Variants in TIAM1 observed in about 807,000 individuals in gnomAD.
TIAM1 encodes the protein rho guanine nucleotide exchange factor TIAM1.
TIAM1 carries 65 observed loss-of-function variants against 163.5 expected under a neutral mutation model. The ratio of observed to expected loss-of-function variants is 0.40; its 90% confidence interval spans 0.33 to 0.49. The LOEUF is 0.49. Ranked by LOEUF, TIAM1 falls within the 20% of genes least tolerant of loss-of-function variation. TIAM1 has a pLI of 0.77. For synonymous variants in TIAM1, 833 were observed against 810.1 expected, an observed-to-expected ratio of 1.03 and a Z score of -0.48; for missense variants, 1,789 against 2,044.7, an observed-to-expected ratio of 0.87 and a Z score of 2.41.
intron 20 of TIAM1, among the ~76,000 whole-genome samples, chr21:31,144,830 G>GAAACAAAAAAA: frequency 1.3e-5 from 1 of 74,484 alleles, no homozygotes; most frequent in Non-Finnish European, 2.4e-5. Context: ...CTCCATCTCA[G>GAAACAAAAAAA]AAAAAAAAAA....
chr21:31,136,489 C>T (rs560435256), intron 22 of TIAM1, among the ~76,000 whole-genome samples: 10 of 94,134 alleles, frequency 1.1e-4, no homozygotes, highest in South Asian at 3.2e-4. Context: ...GAAATTTTAA[C>T]GAAAAAAAAA....
rs1364988102 is a variant in TIAM1 at position 31,391,145 on chromosome 21, AT to A, written c.-368-51724del. On this transcript the variant is annotated intron_variant, in intron 2 of 28. Coordinates refer to the TIAM1 transcript ENST00000286827. ...GGCCCGAGGGCAGCTCTTGGTGGGG[AT>A]TTTAAAGGGGGCTTCTTTGTGTACG... Among the ~76,000 whole-genome samples the A allele has an allele frequency of 2.0e-5, 3 of 152,072 alleles. No homozygotes were observed. In the East Asian group the frequency reaches 5.8e-4, roughly 29 times the overall value.
rs117766429 is a variant in TIAM1 at position 31,300,276 on chromosome 21, G to A, written c.-188-23368C>T. Among the ~76,000 whole-genome samples the A allele has an allele frequency of 1.7e-3, 262 of 152,254 alleles. 4 individuals are homozygous for A. The East Asian group carries it at 0.037, about 21-fold the overall frequency. ...AGCAGATGCCAGCATCATGCTTCCT[G>A]TACAGAACGGTGAGCCAATTAAACC... On this transcript the variant is annotated intron_variant, in intron 2 of 27. Coordinates refer to ENST00000541036, the MANE Select transcript of TIAM1 (RefSeq NM_001353694.2).
At chr21:31,321,822 G>C (rs2075326082) in intron 2 of TIAM1, among the ~76,000 whole-genome samples, 1 of 151,936 alleles carries the variant, frequency 6.6e-6, no homozygotes, top group Admixed American at 6.6e-5. Context: ...ACTTTGGGAG[G>C]TGGACAGATC....
chr21:31,550,645 A>G (rs1396402634), intron 1 of TIAM1, among the ~76,000 whole-genome samples: 2 of 152,240 alleles, frequency 1.3e-5, no homozygotes, highest in Non-Finnish European at 1.5e-5. Context: ...TCTTAATAAT[A>G]CTGTCATAAA....
chr21:31,335,233 C>A (rs565998946), intron 2 of TIAM1, among the ~76,000 whole-genome samples: 1 of 152,276 alleles, frequency 6.6e-6, no homozygotes, highest in Non-Finnish European at 1.5e-5. Flanking sequence ...TACGTTTCAC[C>A]TGTGGACCAA....
rs1044645983 is a variant in TIAM1 at position 31,130,310 on chromosome 21, T to C, written c.3948A>G (p.Gly1316=). The C allele has an allele frequency of 1.1e-5, 17 of 1,613,648 alleles. No homozygotes were observed. Among genetic ancestry groups the C allele is most frequent in the Non-Finnish European group, 1.4e-5 (16 of 1,179,694 alleles). The change falls in exon 25 of 28, where the codon GGA becomes GGG. Residue 1316 remains glycine (G), a synonymous_variant. Coordinates refer to ENST00000541036, the MANE Select transcript of TIAM1 (RefSeq NM_001353694.2). ...CCTCATAAATGGAAAGCCTGTGAGA[T>C]CCTACCTGCAGAGGAGAAGGAACCA... ...DGSKQKKKLV[G]SHRLSIYEDW... is the part of the protein sequence containing the mutation.
chr21:31,383,315 T>G (rs2076810798), intron 2 of TIAM1, among the ~76,000 whole-genome samples: 1 of 152,158 alleles, frequency 6.6e-6, no homozygotes, highest in Non-Finnish European at 1.5e-5. Context: ...ATCCCAGCCC[T>G]GTCATGATCT....
chr21:31,431,020 A>C (rs1375128356), intron 2 of TIAM1, among the ~76,000 whole-genome samples: 2 of 152,214 alleles, frequency 1.3e-5, no homozygotes, highest in Non-Finnish European at 2.9e-5. Context: ...TAATAAGAAC[A>C]TAATGACAAT....
At chr21:31,459,265 C>G (rs1424342068) in intron 2 of TIAM1, among the ~76,000 whole-genome samples, 1 of 152,152 alleles carries the variant, frequency 6.6e-6, no homozygotes, top group East Asian at 1.9e-4. Flanking sequence ...GCACGTGCCA[C>G]CATGCCCAGT....
At chr21:31,547,954 G>A (rs2048549562) in intron 1 of TIAM1, among the ~76,000 whole-genome samples, 1 of 152,074 alleles carries the variant, frequency 6.6e-6, no homozygotes, top group Admixed American at 6.6e-5. Context: ...TTATTATCTA[G>A]CTTTAAAGAA....
intron 1 of TIAM1, among the ~76,000 whole-genome samples, chr21:31,485,523 T>A (rs1448081672): frequency 6.6e-6 from 1 of 152,114 alleles, no homozygotes; most frequent in Non-Finnish European, 1.5e-5. Context: ...AAACGCTAAC[T>A]CTGGGATAAC....
At chr21:31,366,351 C>T (rs776091472) in intron 2 of TIAM1, among the ~76,000 whole-genome samples, 2 of 152,140 alleles carry the variant, frequency 1.3e-5, no homozygotes, top group African/African-American at 2.4e-5. Context: ...ACTTAACTTA[C>T]GCATGTCCCA....
intron 1 of TIAM1, among the ~76,000 whole-genome samples, chr21:31,487,554 AT>A (rs1279067707): frequency 3.1e-4 from 36 of 114,804 alleles, no homozygotes; most frequent in Non-Finnish European, 3.2e-4. Context: ...TTTTTTTTGT[AT>A]TTTTTTTTTT....
intron 1 of TIAM1, among the ~76,000 whole-genome samples, chr21:31,555,184 TTC>T (rs976681728): frequency 2.8e-5 from 4 of 143,172 alleles, no homozygotes; most frequent in Non-Finnish European, 6.1e-5. Context: ...AGAGAATTTG[TTC>T]TTTTTTTTTT....
intron 2 of TIAM1, among the ~76,000 whole-genome samples, chr21:31,328,916 A>T (rs1402025898): frequency 6.6e-6 from 1 of 151,996 alleles, no homozygotes; most frequent in Non-Finnish European, 1.5e-5. Context: ...AAAGTGCTGG[A>T]ATTACAGGTG....
chr21:31,407,295 C>T (rs1161935171), intron 2 of TIAM1, among the ~76,000 whole-genome samples: 1 of 152,164 alleles, frequency 6.6e-6, no homozygotes, highest in East Asian at 1.9e-4. Flanking sequence ...TTCCTCTTGG[C>T]ACCTCCAAAG....
chr21:31,261,350 G>A (rs569502784), intron 4 of TIAM1, among the ~76,000 whole-genome samples: 1 of 151,670 alleles, frequency 6.6e-6, no homozygotes, highest in Non-Finnish European at 1.5e-5. Flanking sequence ...TCAAGCACGG[G>A]GAGGTAGTCA....
Position 31,282,542 on chromosome 21 carries a change from G to A in TIAM1, c.-188-5634C>T, listed in dbSNP as rs142170251. On this transcript the variant is annotated intron_variant, in intron 2 of 27. Coordinates refer to ENST00000541036, the MANE Select transcript of TIAM1 (RefSeq NM_001353694.2). ...TTGTAGCTGGGACATGCTGACAGAT[G>A]ACCACACCCCATCTGGTGTAAAGCC... is the stretch of plus-strand genomic sequence containing the variant. Among the ~76,000 whole-genome samples the A allele has an allele frequency of 2.0e-5, 3 of 152,278 alleles. No individual in the cohort carries two copies. The East Asian group carries it at 5.8e-4, about 29-fold the overall frequency.
Sources: allele counts gnomAD v4.1 joint callset (sites outside exome capture counted in the v4.1 genomes callset), GRCh38; gene constraint gnomAD v4.1.1; transcripts MANE v1.5; gene names NCBI Gene and HGNC (gene_info 2026-07-23, HGNC 2026-07-21).